Variants in CSMD1 observed in about 807,000 individuals in gnomAD.
The protein encoded by CSMD1 is CUB and Sushi multiple domains 1, also known as CUB and sushi domain-containing protein 1.
Under a neutral mutation model 417.5 loss-of-function variants are expected in CSMD1, and 213 were observed. The ratio of observed to expected loss-of-function variants is 0.51; its 90% CI spans 0.46 to 0.57. The LOEUF (loss-of-function observed/expected upper bound fraction) is 0.57, where lower values mean the gene tolerates loss of function less well. Ranked by LOEUF, CSMD1 falls within the 20% of genes least tolerant of loss-of-function variation. The pLI is 0.00. For synonymous variants in CSMD1, 2,862 were observed against 1,736.8 expected (o/e 1.65, Z -16.11); for missense variants, 6,923 against 4,529.7 (o/e 1.53, Z -15.17).
intron 51 of CSMD1, among the ~76,000 whole-genome samples, chr8:3,023,656 G>T (rs761099517): frequency 3.3e-5 from 5 of 151,982 alleles, no homozygotes; most frequent in Non-Finnish European, 7.4e-5. Context: ...TTCAAAAAGT[G>T]GTAAATTTCT....
intron 3 of CSMD1, among the ~76,000 whole-genome samples, chr8:4,217,561 C>A (rs555499153): frequency 7.9e-5 from 12 of 151,650 alleles, no homozygotes; most frequent in Admixed American, 2.6e-4. Flanking sequence ...GAAGGCTTTA[C>A]GCAGCAAAGG....
chr8:3,532,073 G>C (rs35371844), intron 10 of CSMD1, among the ~76,000 whole-genome samples: 2 of 152,046 alleles, frequency 1.3e-5, no homozygotes, highest in African/African-American at 2.4e-5. Flanking sequence ...TGATTAGCTC[G>C]TCTATGAAAG....
At chr8:4,179,825 A>C (rs1230034875) in intron 3 of CSMD1, among the ~76,000 whole-genome samples, 1 of 152,210 alleles carries the variant, frequency 6.6e-6, no homozygotes, top group Non-Finnish European at 1.5e-5. Context: ...ACACATGAAA[A>C]AATGCTCATC....
intron 3 of CSMD1, among the ~76,000 whole-genome samples, chr8:4,243,277 A>G (rs1238455406): frequency 6.6e-6 from 1 of 152,122 alleles, no homozygotes; most frequent in Non-Finnish European, 1.5e-5. Flanking sequence ...TAGTCTCATG[A>G]ACTAGGTCTG....
At chr8:4,202,631 A>T (rs1367057644) in intron 3 of CSMD1, among the ~76,000 whole-genome samples, 1 of 152,178 alleles carries the variant, frequency 6.6e-6, no homozygotes, top group Admixed American at 6.5e-5. Flanking sequence ...GGATATTGTA[A>T]ATTTCCTCTC....
chr8:4,268,577 C>A (rs1195977734), intron 3 of CSMD1, among the ~76,000 whole-genome samples: 6 of 152,148 alleles, frequency 3.9e-5, no homozygotes, highest in Admixed American at 6.6e-5. Flanking sequence ...TGAATATCCT[C>A]ATTTCCAAAG....
chr8:3,418,133 G>A (rs73657880), intron 12 of CSMD1, among the ~76,000 whole-genome samples: 2,853 of 152,292 alleles, frequency 0.019, 56 homozygotes, highest in East Asian at 0.096. Context: ...TTGTTTGACT[G>A]AAACAAGAAT....
intron 1 of CSMD1, among the ~76,000 whole-genome samples, chr8:4,855,153 C>T (rs190093387): frequency 0.02 from 3,006 of 151,150 alleles, 116 homozygotes; most frequent in African/African-American, 0.069. Flanking sequence ...AGCAGGGGCA[C>T]ACTGACACCT....
chr8:4,370,135 C>A (rs530287832), intron 3 of CSMD1, among the ~76,000 whole-genome samples: 4 of 151,924 alleles, frequency 2.6e-5, no homozygotes, highest in African/African-American at 4.8e-5. Flanking sequence ...TAAGGCAGGT[C>A]GAGTTTCAAC....
At chr8:3,770,979 A>G (rs1464250174) in intron 5 of CSMD1, among the ~76,000 whole-genome samples, 1 of 150,838 alleles carries the variant, frequency 6.6e-6, no homozygotes, top group African/African-American at 2.5e-5. Context: ...GTGCATGTTA[A>G]TTTGGACAGT....
At chr8:3,207,467 A>G (rs889066527) in intron 30 of CSMD1, among the ~76,000 whole-genome samples, 2 of 152,078 alleles carry the variant, frequency 1.3e-5, no homozygotes, top group African/African-American at 4.8e-5. Flanking sequence ...CAAGCCTCAA[A>G]GAATAAAGAA....
At chr8:3,342,024 G>A (rs1438111536) in intron 23 of CSMD1, among the ~76,000 whole-genome samples, 1 of 152,168 alleles carries the variant, frequency 6.6e-6, no homozygotes, top group African/African-American at 2.4e-5. Flanking sequence ...TAAAATTCTA[G>A]TAAAAATTTT....
intron 1 of CSMD1, among the ~76,000 whole-genome samples, chr8:4,985,781 C>T (rs919893664): frequency 5.9e-5 from 9 of 152,108 alleles, no homozygotes; most frequent in African/African-American, 1.9e-4. Context: ...TGAACTGCAA[C>T]CTCATGAATA....
At chr8:4,351,452 A>C (rs1460755393) in intron 3 of CSMD1, among the ~76,000 whole-genome samples, 2 of 152,238 alleles carry the variant, frequency 1.3e-5, no homozygotes, top group South Asian at 2.1e-4. Flanking sequence ...ATAATGTCTA[A>C]AAAGCAGAGT....
At position 4,107,898 on chromosome 8, in the gene CSMD1, C is replaced by A. The variant is rs73658575; in HGVS notation, c.416-75799G>T. On this transcript the variant is annotated intron_variant, in intron 3 of 69. Coordinates refer to ENST00000635120, the MANE Select transcript of CSMD1 (RefSeq NM_033225.6). The stretch of plus-strand genomic sequence containing the variant: ...ACTCACTCTTTCATCTTCCTAAATA[C>A]AAACTGAAACAAATAACATTTTCGT... 1.9e-3 allele frequency among the ~76,000 whole-genome samples: 289 copies of A among 152,322 alleles called. 1 individual carries two copies. The highest frequency in any genetic ancestry group is 6.3e-3 in the African/African-American group (264 of 41,578).
intron 4 of CSMD1, among the ~76,000 whole-genome samples, chr8:4,026,319 A>C (rs1267660480): frequency 6.6e-6 from 1 of 152,226 alleles, no homozygotes. Flanking sequence ...GCAAAATTTA[A>C]ATGTAAATGT....
chr8:3,843,914 C>A (rs1384005356), intron 5 of CSMD1, among the ~76,000 whole-genome samples: 1 of 152,152 alleles, frequency 6.6e-6, no homozygotes, highest in African/African-American at 2.4e-5. Context: ...CCCAGCAGAA[C>A]TTTCCATTGC....
At chr8:4,687,168 G>T (rs1170643101) in intron 1 of CSMD1, among the ~76,000 whole-genome samples, 1 of 152,202 alleles carries the variant, frequency 6.6e-6, no homozygotes, top group African/African-American at 2.4e-5. Context: ...AGCCAGAGAG[G>T]CAGGGGTCTT....
chr8:3,725,212 A>G (rs1211421242), intron 6 of CSMD1, among the ~76,000 whole-genome samples: 3 of 152,126 alleles, frequency 2.0e-5, no homozygotes, highest in Non-Finnish European at 4.4e-5. Context: ...GAAAGTGAAA[A>G]GAGATTAGTG....
Sources: gnomAD v4.1 joint callset for allele counts (sites outside exome capture counted in the v4.1 genomes callset) on GRCh38, gnomAD v4.1.1 for gene constraint, MANE v1.5 for transcripts, NCBI Gene and HGNC (gene_info 2026-07-23, HGNC 2026-07-21) for gene names.